The following ZDHHC6 variants were observed in gnomAD, a reference collection of about 807,000 sequenced individuals.
ZDHHC6 encodes the protein palmitoyltransferase ZDHHC6.
ZDHHC6 carries 32 observed loss-of-function variants against 57.8 expected under a neutral mutation model. The ratio of observed to expected loss-of-function variants is 0.55; its 90% confidence interval spans 0.42 to 0.74. The LOEUF is 0.74. Ranked by LOEUF, ZDHHC6 falls within the 30% of genes least tolerant of loss-of-function variation. The pLI is 0.00. For synonymous variants in ZDHHC6, 128 were observed against 158.0 expected (o/e 0.81, Z 1.42); for missense variants, 433 against 500.7 (o/e 0.86, Z 1.29).
downstream of ZDHHC6, chr10:112,425,502 T>C: frequency 1.3e-6 from 2 of 1,576,114 alleles, no homozygotes; most frequent in Non-Finnish European, 1.7e-6. Context: ...ATTTTAACAA[T>C]AGCCCATTTC....
intron 6 of ZDHHC6, 109 bp from the exon 7 acceptor site, chr10:112,434,573 T>C (rs1357991435): frequency 1.1e-5 from 12 of 1,136,018 alleles, no homozygotes; most frequent in African/African-American, 4.8e-5. Context: ...ATAAAAATAC[T>C]TCCTCCTTGC....
At chr10:112,438,489 A>G (rs1290877525) in intron 5 of ZDHHC6, 100 bp from the exon 6 acceptor site, 4 of 917,272 alleles carry the variant, frequency 4.4e-6, no homozygotes, top group African/African-American at 1.8e-5. Context: ...ACTCCATTCC[A>G]TAGACAAAGA....
chr10:112,433,123 G>T, intron 8 of ZDHHC6, 117 bp downstream of exon 8: 1 of 741,278 alleles, frequency 1.3e-6, no homozygotes. Context: ...ATGTATTAAG[G>T]AATACTATTT....
chr10:112,427,316 T>G (rs773700434), downstream of ZDHHC6: 1 of 1,613,828 alleles, frequency 6.2e-7, no homozygotes, highest in East Asian at 2.2e-5. Flanking sequence ...CCAAATACTT[T>G]CGGACCCAAA....
chr10:112,428,777 A>C (rs987098415), downstream of ZDHHC6, among the ~76,000 whole-genome samples: 3 of 152,010 alleles, frequency 2.0e-5, no homozygotes, highest in Admixed American at 6.6e-5. Flanking sequence ...TCTCAAAAAA[A>C]AAAAACAAAA....
At chr10:112,433,347 CTCA>C in intron 7 of ZDHHC6, 66 bp from the exon 8 acceptor site, 1 of 1,324,374 alleles carries the variant, frequency 7.6e-7, no homozygotes, top group East Asian at 2.5e-5. Context: ...ATCGCCTTTC[CTCA>C]TCAACTGTCA....
intron 3 of ZDHHC6, among the ~76,000 whole-genome samples, chr10:112,443,081 T>C (rs1237938365): frequency 6.6e-6 from 1 of 152,220 alleles, no homozygotes; most frequent in Non-Finnish European, 1.5e-5. Flanking sequence ...AATAGGCACC[T>C]GGATTATTAG....
chr10:112,440,407 C>T (rs1845989606), intron 5 of ZDHHC6, 127 bp downstream of exon 5: 1 of 1,075,654 alleles, frequency 9.3e-7, no homozygotes. Context: ...AGATTAGTTA[C>T]CTAAATGAAA....
At chr10:112,428,279 C>G (rs937625532), downstream of ZDHHC6, 3 of 390,450 alleles carry the variant, frequency 7.7e-6, no homozygotes, top group African/African-American at 2.1e-5. Context: ...TGATCTCCCC[C>G]ACCCTTGGAT....
chr10:112,429,186 G>A (rs748888286), downstream of ZDHHC6, among the ~76,000 whole-genome samples: 1 of 152,230 alleles, frequency 6.6e-6, no homozygotes, highest in Non-Finnish European at 1.5e-5. Context: ...AAACAAAAGG[G>A]TAGGCAGGAA....
Position 112,434,520 on chromosome 10 carries a change from AAT to A in ZDHHC6, c.736-58_736-57del, listed in dbSNP as rs985591560. On this transcript the variant is annotated intron_variant, in intron 6 of 10. Transcript: ENST00000369405. ...TGCCTCTGTCTAAGTGGCCTGCAGT[AAT>A]ATGTTATTGAGAACACTTATTTCTC... 5.3e-6 allele frequency: 8 copies of A among 1,521,904 alleles called. No homozygotes were observed. In the Admixed American group the frequency reaches 8.0e-5, roughly 15 times the overall value. 94.3% of individuals were successfully genotyped at this position (1,521,904 alleles called of 1,614,324 possible).
downstream of ZDHHC6, chr10:112,427,450 C>A: frequency 7.7e-7 from 1 of 1,305,802 alleles, no homozygotes; most frequent in South Asian, 1.7e-5. Context: ...GCCTTTCCTC[C>A]TATTTTTTTT....
At position 112,440,182 on chromosome 10, in the gene ZDHHC6, A is replaced by C. The variant is rs139833314; in HGVS notation, c.681+352T>G. Among the ~76,000 whole-genome samples the C allele has an allele frequency of 5.1e-3, 781 of 151,762 alleles. 6 individuals are homozygous for C. The highest frequency in any genetic ancestry group is 0.018 in the African/African-American group (746 of 41,508). ...GGTAAGTCACTTAACCTTTTTGAGAATCAATGAATTAATCACGTGTTGGGA... is the reference window on the plus strand; with the variant it reads ...GGTAAGTCACTTAACCTTTTTGAGACTCAATGAATTAATCACGTGTTGGGA... On this transcript the variant is annotated intron_variant, in intron 5 of 10. Coordinates refer to ENST00000369405, the MANE Select transcript of ZDHHC6 (RefSeq NM_022494.3).
downstream of ZDHHC6, chr10:112,427,425 T>C: frequency 6.9e-7 from 1 of 1,444,074 alleles, no homozygotes; most frequent in Non-Finnish European, 9.2e-7. Context: ...TAAAAACTAT[T>C]CTTACATTTG....
intron 6 of ZDHHC6, among the ~76,000 whole-genome samples, chr10:112,434,868 G>A (rs116109468): frequency 9.5e-4 from 144 of 152,312 alleles, no homozygotes; most frequent in African/African-American, 2.3e-3. Flanking sequence ...GGATGGAACC[G>A]TTTTATTCAA....
Position 112,432,396 on chromosome 10 carries a change from A to G in ZDHHC6, c.1071T>C (p.Ile357=), listed in dbSNP as rs1316400110. The change falls in exon 9 of 11, where the codon ATT becomes ATC. Residue 357 remains isoleucine, a synonymous_variant. Transcript: ENST00000369405. ...CTTACCGTAAACCTCTTGTGGCTAAAATGAATTCCCCTTTTTGCAGCTGTA... is the reference window on the plus strand; with the variant it reads ...CTTACCGTAAACCTCTTGTGGCTAAGATGAATTCCCCTTTTTGCAGCTGTA... ...PRIQLQKGEF[I]LATRGLRYWL... The G allele has an allele frequency of 6.2e-7, 1 of 1,614,050 alleles. No individual in the cohort carries two copies. The highest frequency in any genetic ancestry group is 8.5e-7 in the Non-Finnish European group (1 of 1,180,026).
chr10:112,447,319 C>A, upstream of ZDHHC6: 1 of 1,571,386 alleles, frequency 6.4e-7, no homozygotes, highest in African/African-American at 1.4e-5. Context: ...CGCTGCCCCT[C>A]GAGGCCCTTT....
intron 6 of ZDHHC6, 86 bp from the exon 7 acceptor site, chr10:112,434,550 G>A: frequency 7.7e-7 from 1 of 1,290,880 alleles, no homozygotes; most frequent in Non-Finnish European, 1.0e-6. Flanking sequence ...TATTTCTCAA[G>A]TTTCTAACAT....
At chr10:112,429,240 G>A (rs772522900), downstream of ZDHHC6, among the ~76,000 whole-genome samples, 6 of 152,078 alleles carry the variant, frequency 3.9e-5, no homozygotes, top group East Asian at 3.9e-4. Context: ...TAACTTTCTC[G>A]CCTTCACTTC....
Sources: gnomAD v4.1 joint callset for allele counts (sites outside exome capture counted in the v4.1 genomes callset) on GRCh38, gnomAD v4.1.1 for gene constraint, MANE v1.5 for transcripts, NCBI Gene and HGNC (gene_info 2026-07-23, HGNC 2026-07-21) for gene names.